Variants in GALNT17 observed in about 807,000 individuals in gnomAD.
The protein encoded by GALNT17 is polypeptide N-acetylgalactosaminyltransferase 17.
A neutral mutation model predicts 63.7 loss-of-function variants in GALNT17; 29 were observed. That is an observed-to-expected ratio of 0.46 (90% confidence interval 0.34 to 0.62). The LOEUF is 0.62. Among genes scored for constraint, GALNT17 ranks in the 20% least tolerant of loss-of-function variants. GALNT17 has a pLI of 0.01. For synonymous variants in GALNT17, 305 were observed against 318.3 expected, an observed-to-expected ratio of 0.96 and a Z score of 0.45; for missense variants, 603 against 799.6, an observed-to-expected ratio of 0.75 and a Z score of 2.97.
chr7:71,604,505 ATTATTC>A (rs532067198), intron 6 of GALNT17, among the ~76,000 whole-genome samples: 80 of 152,312 alleles, frequency 5.3e-4, no homozygotes, highest in East Asian at 5.0e-3. Context: ...CCAATGAACT[ATTATTC>A]TTATTCTTAT....
intron 8 of GALNT17, among the ~76,000 whole-genome samples, chr7:71,671,765 C>A (rs1360544268): frequency 6.6e-6 from 1 of 152,180 alleles, no homozygotes; most frequent in East Asian, 1.9e-4. Flanking sequence ...GTGGCTCACG[C>A]CTGTAATCCC....
intron 9 of GALNT17, among the ~76,000 whole-genome samples, chr7:71,699,857 C>T (rs575981457): frequency 6.6e-5 from 10 of 151,880 alleles, no homozygotes; most frequent in African/African-American, 2.4e-4. Context: ...CACGTATGCG[C>T]AGGAGTTGGA....
intron 9 of GALNT17, among the ~76,000 whole-genome samples, chr7:71,701,943 G>T (rs1791657397): frequency 7.1e-6 from 1 of 141,622 alleles, no homozygotes; most frequent in African/African-American, 2.6e-5. Context: ...ACATGTCATG[G>T]AACACTATGC....
intron 2 of GALNT17, among the ~76,000 whole-genome samples, chr7:71,365,877 T>A (rs1792495102): frequency 6.6e-6 from 1 of 152,120 alleles, no homozygotes; most frequent in East Asian, 1.9e-4. Context: ...TCTATTATTA[T>A]TACATTGTAA....
At chr7:71,653,186 T>A (rs544945355) in intron 6 of GALNT17, among the ~76,000 whole-genome samples, 3 of 151,934 alleles carry the variant, frequency 2.0e-5, no homozygotes, top group South Asian at 2.1e-4. Context: ...CAGCTAATTT[T>A]TGTATTTTTA....
chr7:71,509,154 C>T (rs995912785), intron 5 of GALNT17, among the ~76,000 whole-genome samples: 3 of 152,198 alleles, frequency 2.0e-5, no homozygotes, highest in African/African-American at 7.2e-5. Context: ...TTCTGTTTTT[C>T]GCTTTCAATA....
intron 1 of GALNT17, among the ~76,000 whole-genome samples, chr7:71,136,992 G>T (rs1013433860): frequency 6.6e-6 from 1 of 151,588 alleles, no homozygotes; most frequent in Non-Finnish European, 1.5e-5. Flanking sequence ...CTGCCATGTT[G>T]CCAGGGCTGG....
intron 6 of GALNT17, among the ~76,000 whole-genome samples, chr7:71,605,541 G>C (rs1243161845): frequency 6.8e-6 from 1 of 147,414 alleles, no homozygotes; most frequent in African/African-American, 2.6e-5. Context: ...AGACAAGATA[G>C]CACCACTGCA....
intron 1 of GALNT17, among the ~76,000 whole-genome samples, chr7:71,327,508 G>A (rs1364102404): frequency 6.6e-6 from 1 of 152,134 alleles, no homozygotes; most frequent in African/African-American, 2.4e-5. Context: ...AATTATGGGA[G>A]CTACAATTAA....
rs1788565689 is a variant in GALNT17, at chr7:71,172,589, G to A, written c.238+39549G>A. The stretch of plus-strand genomic sequence containing the variant: ...ATGTTTGGTTATCCCCAGAGCAATG[G>A]ATAGAGGCCATCACAACTGCTCAGT... On this transcript the variant is annotated intron_variant, in intron 1 of 10. Coordinates refer to ENST00000333538, the MANE Select transcript of GALNT17 (RefSeq NM_022479.3). 3.9e-5 allele frequency among the ~76,000 whole-genome samples: 6 copies of A among 152,228 alleles called. No homozygotes were observed. The South Asian group carries it at 1.2e-3, about 32-fold the overall frequency.
intron 9 of GALNT17, among the ~76,000 whole-genome samples, chr7:71,704,181 T>G (rs1485666219): frequency 6.6e-6 from 1 of 152,272 alleles, no homozygotes. Context: ...CCTGGGTGGT[T>G]GGTGTGATCA....
At chr7:71,451,236 C>G (rs1172144833) in intron 5 of GALNT17, among the ~76,000 whole-genome samples, 1 of 152,106 alleles carries the variant, frequency 6.6e-6, no homozygotes, top group Non-Finnish European at 1.5e-5. Context: ...TTTTTCTAGT[C>G]CTCAAAAAAT....
chr7:71,242,286 T>TTTTTTC (rs1554343530), intron 1 of GALNT17, among the ~76,000 whole-genome samples: 2 of 132,288 alleles, frequency 1.5e-5, no homozygotes, highest in Admixed American at 8.1e-5. Context: ...TTTTTTTTTT[T>TTTTTTC]TGAGACAGAG....
At chr7:71,589,256 T>G (rs978326192) in intron 6 of GALNT17, among the ~76,000 whole-genome samples, 1 of 152,140 alleles carries the variant, frequency 6.6e-6, no homozygotes, top group Non-Finnish European at 1.5e-5. Context: ...CAAATGTTAT[T>G]ACGTTAAATG....
chr7:71,593,352 G>A (rs2091311), intron 6 of GALNT17, among the ~76,000 whole-genome samples: 82,650 of 142,824 alleles, frequency 0.58, 25,972 homozygotes, highest in East Asian at 0.78. Flanking sequence ...TACATCCTCC[G>A]CCTCCTGGGT....
intron 6 of GALNT17, among the ~76,000 whole-genome samples, chr7:71,653,012 G>T (rs12699061): frequency 1.1e-3 from 23 of 21,164 alleles, no homozygotes; most frequent in South Asian, 3.0e-3. Context: ...GTTTGTTTGT[G>T]TTTGTTTTTG....
chr7:71,556,046 T>A (rs1010880866), intron 5 of GALNT17, among the ~76,000 whole-genome samples: 33 of 152,262 alleles, frequency 2.2e-4, no homozygotes, highest in African/African-American at 8.0e-4. Flanking sequence ...CTGGATGAGA[T>A]GGCAAGTCCA....
intron 5 of GALNT17, among the ~76,000 whole-genome samples, chr7:71,560,213 A>AG (rs1297128410): frequency 1.3e-5 from 2 of 149,742 alleles, no homozygotes; most frequent in East Asian, 1.9e-4. Context: ...AAAAAAAAAA[A>AG]AAAGAAAGAA....
Position 71,154,627 on chromosome 7 carries a change from A to C in GALNT17, c.238+21587A>C, listed in dbSNP as rs145512269. Reference sequence around the variant, plus strand: ...AGTCTCACTCTGTCGCCCAGGCTGGAGTGCGGTGGCACGATCTCGGCTCAC... The same window carrying C: ...AGTCTCACTCTGTCGCCCAGGCTGGCGTGCGGTGGCACGATCTCGGCTCAC... On this transcript the variant is annotated intron_variant, in intron 1 of 10. Coordinates refer to ENST00000333538, the MANE Select transcript of GALNT17 (RefSeq NM_022479.3). Among the ~76,000 whole-genome samples, 1,007 of 152,276 alleles carry C rather than the reference A, an allele frequency of 6.6e-3. 9 individuals carry two copies. The highest frequency in any genetic ancestry group is 0.023 in the African/African-American group (938 of 41,550).
Sources: gnomAD v4.1 joint callset for allele counts (sites outside exome capture counted in the v4.1 genomes callset) on GRCh38, gnomAD v4.1.1 for gene constraint, MANE v1.5 for transcripts, NCBI Gene and HGNC (gene_info 2026-07-23, HGNC 2026-07-21) for gene names.